AP3B1: variants seen among roughly 807,000 people sequenced by gnomAD.
AP3B1 encodes the protein adaptor related protein complex 3 subunit beta 1.
A neutral mutation model predicts 132.5 loss-of-function variants in AP3B1; 61 were observed. That is an observed-to-expected ratio of 0.46 (90% CI 0.37 to 0.57). The LOEUF (loss-of-function observed/expected upper bound fraction) is 0.57, where lower values mean the gene tolerates loss of function less well. Ranked by LOEUF, AP3B1 falls within the 20% of genes least tolerant of loss-of-function variation. The pLI is 0.00. For missense variants in AP3B1, 1,120 were observed against 1,289.4 expected (o/e 0.87, Z 2.01); for synonymous variants, 388 against 438.3 (o/e 0.89, Z 1.43).
chr5:78,223,461 CA>C (rs1308975666), intron 6 of AP3B1, among the ~76,000 whole-genome samples: 1 of 151,842 alleles, frequency 6.6e-6, no homozygotes, highest in African/African-American at 2.4e-5. Flanking sequence ...CGATACTACA[CA>C]CTTAATTACT....
chr5:78,182,326 T>A (rs980588509), intron 7 of AP3B1, among the ~76,000 whole-genome samples: 2 of 152,218 alleles, frequency 1.3e-5, no homozygotes, highest in African/African-American at 4.8e-5. Context: ...TCAACTTCTG[T>A]TTAGAGGTAA....
chr5:78,236,376 T>C (rs1311209144), intron 3 of AP3B1, among the ~76,000 whole-genome samples: 1 of 152,044 alleles, frequency 6.6e-6, no homozygotes, highest in African/African-American at 2.4e-5. Flanking sequence ...ATGCCAATAC[T>C]AGGTACCTCC....
At chr5:78,113,168 C>T (rs1306990100) in intron 19 of AP3B1, among the ~76,000 whole-genome samples, 1 of 152,164 alleles carries the variant, frequency 6.6e-6, no homozygotes, top group African/African-American at 2.4e-5. Flanking sequence ...TCGGCAGAGG[C>T]CACTCGCTGA....
chr5:78,001,777 T>C (rs1342927939), downstream of AP3B1: 1 of 152,234 alleles, frequency 6.6e-6, no homozygotes, highest in Non-Finnish European at 1.5e-5. Flanking sequence ...TAGCTTATAC[T>C]ACCTGAAAGT....
intron 22 of AP3B1, among the ~76,000 whole-genome samples, chr5:78,060,644 A>G (rs1021690953): frequency 4.6e-5 from 7 of 152,172 alleles, no homozygotes; most frequent in Non-Finnish European, 8.8e-5. Context: ...TTCTGTTTCC[A>G]TAAGACTATA....
intron 22 of AP3B1, among the ~76,000 whole-genome samples, chr5:78,080,839 C>T (rs1037950725): frequency 2.6e-5 from 4 of 151,972 alleles, no homozygotes; most frequent in Non-Finnish European, 4.4e-5. Context: ...AAAATATGAT[C>T]GGTGGAAAAA....
At chr5:78,094,091 T>G (rs1416799743) in intron 21 of AP3B1, among the ~76,000 whole-genome samples, 1 of 152,250 alleles carries the variant, frequency 6.6e-6, no homozygotes, top group East Asian at 1.9e-4. Context: ...GTACTAACAA[T>G]GTAATGACAT....
At chr5:78,044,004 AT>A in intron 22 of AP3B1, 1 of 296,154 alleles carries the variant, frequency 3.4e-6, no homozygotes, top group South Asian at 3.8e-5. Context: ...CATCAGAAAC[AT>A]TAGATCAACC....
intron 2 of AP3B1, among the ~76,000 whole-genome samples, chr5:78,264,271 G>C (rs1257866471): frequency 2.6e-5 from 4 of 152,038 alleles, no homozygotes; most frequent in African/African-American, 7.2e-5. Context: ...AATTTCCACT[G>C]GTCATTCTTC....
intron 22 of AP3B1, among the ~76,000 whole-genome samples, chr5:78,046,493 C>T (rs1240423256): frequency 6.6e-6 from 1 of 152,162 alleles, no homozygotes; most frequent in African/African-American, 2.4e-5. Flanking sequence ...GGTCTCACGT[C>T]TTCTGAGCAG....
chr5:78,191,267 C>T (rs1238081563), intron 7 of AP3B1, among the ~76,000 whole-genome samples: 1 of 138,952 alleles, frequency 7.2e-6, no homozygotes, highest in East Asian at 2.1e-4. Context: ...GCTAAAAAAA[C>T]AGTGATGAAT....
chr5:78,015,866 G>A, intron 25 of AP3B1: 1 of 276,254 alleles, frequency 3.6e-6, no homozygotes, highest in Non-Finnish European at 7.0e-6. Context: ...ACTCAATCTG[G>A]GGTTTATGTA....
intron 2 of AP3B1, among the ~76,000 whole-genome samples, chr5:78,263,541 A>T (rs1489677257): frequency 6.6e-6 from 1 of 152,210 alleles, no homozygotes; most frequent in African/African-American, 2.4e-5. Context: ...TGTTGCACAG[A>T]AGTGGTAAAA....
intron 22 of AP3B1, among the ~76,000 whole-genome samples, chr5:78,065,290 G>A (rs989720967): frequency 1.1e-4 from 16 of 152,172 alleles, no homozygotes; most frequent in African/African-American, 3.6e-4. Flanking sequence ...GAGACTCCCT[G>A]AGACTCGTGA....
At chr5:78,286,972 G>A (rs1008718875) in intron 1 of AP3B1, among the ~76,000 whole-genome samples, 3 of 152,090 alleles carry the variant, frequency 2.0e-5, no homozygotes, top group African/African-American at 7.2e-5. Context: ...TTGGACTGCA[G>A]GCAATTTGTT....
intron 26 of AP3B1, among the ~76,000 whole-genome samples, chr5:78,006,455 G>A (rs753918754): frequency 1.3e-5 from 2 of 152,166 alleles, no homozygotes; most frequent in Admixed American, 6.5e-5. Context: ...TTGTAGTAAT[G>A]CGTAATTCAA....
chr5:78,016,575 A>G (rs1222745151), intron 25 of AP3B1, among the ~76,000 whole-genome samples: 1 of 152,102 alleles, frequency 6.6e-6, no homozygotes, highest in Admixed American at 6.5e-5. Context: ...CATGTTTTCA[A>G]AAGACTCTGC....
intron 15 of AP3B1, among the ~76,000 whole-genome samples, chr5:78,136,222 C>T (rs1036980082): frequency 6.6e-6 from 1 of 152,016 alleles, no homozygotes; most frequent in African/African-American, 2.4e-5. Context: ...CTAAAATGAA[C>T]TAGGCACTAT....
chr5:78,110,775 C>CGT (rs749532118), intron 19 of AP3B1, among the ~76,000 whole-genome samples: 1 of 143,378 alleles, frequency 7.0e-6, no homozygotes, highest in East Asian at 2.0e-4. Context: ...TGTATATATA[C>CGT]GTATATATAT....
Sources: gnomAD v4.1 joint callset for allele counts (sites outside exome capture counted in the v4.1 genomes callset) on GRCh38, gnomAD v4.1.1 for gene constraint, MANE v1.5 for transcripts, NCBI Gene and HGNC (gene_info 2026-07-23, HGNC 2026-07-21) for gene names.